Variants in TNIK observed in about 807,000 individuals in gnomAD.
The protein encoded by TNIK is TRAF2 and NCK-interacting protein kinase.
A neutral mutation model predicts 191.3 loss-of-function variants in TNIK; 49 were observed. The observed-to-expected ratio is 0.26, with a 90% confidence interval of 0.20 to 0.32. The LOEUF is 0.32. TNIK is among the 10% of genes least tolerant of loss of function. The probability of loss-of-function intolerance (pLI) is 1.00; values close to 1 mark genes in which losing one functional copy is unlikely to be tolerated. For synonymous variants in TNIK, 594 were observed against 600.9 expected (o/e 0.99, Z 0.17); for missense variants, 1,155 against 1,702.3 (o/e 0.68, Z 5.66).
intron 2 of TNIK, among the ~76,000 whole-genome samples, chr3:171,322,001 G>A (rs1023656462): frequency 7.9e-5 from 12 of 152,152 alleles, no homozygotes; most frequent in Non-Finnish European, 4.4e-5. Context: ...AGTCAGAAAT[G>A]TATTCTAAAA....
At position 171,211,097 on chromosome 3, in the gene TNIK, T is replaced by A. The variant is rs1029635003; in HGVS notation, c.306+19A>T. The stretch of plus-strand genomic sequence containing the variant: ...TTGTTTTTTATGTAAATAAAGCAAA[T>A]TTGGACGGCAGTACATACCCAAAGT... On this transcript the variant is annotated intron_variant, in intron 4 of 32. Transcript: ENST00000436636. 2 of 1,603,376 alleles carry A rather than the reference T, an allele frequency of 1.2e-6. No individual in the cohort carries two copies. The highest frequency in any genetic ancestry group is 8.5e-7 in the Non-Finnish European group (1 of 1,177,292).
chr3:171,208,560 GTA>G (rs755040186), intron 4 of TNIK, among the ~76,000 whole-genome samples: 68,191 of 151,164 alleles, frequency 0.45, 15,652 homozygotes, highest in Middle Eastern at 0.58. Flanking sequence ...ATTTTTGTGT[GTA>G]TGTGTGTGTG....
In TNIK at chr3:171,167,188, G is replaced by T; in HGVS notation, c.856C>A (p.His286Asn). ...QRPATEQLMK[H>N]PFIRDQPNER... ...TTAGGTTGGTCTCGTATAAATGGAT[G>T]CTTCATCAATTGTTCTGTTGCTGGT... Residue 286 changes from histidine to asparagine, a missense_variant, in exon 10 of 33, where the codon CAT becomes AAT. Coordinates refer to ENST00000436636, the MANE Select transcript of TNIK (RefSeq NM_015028.4). 3.1e-6 allele frequency: 5 copies of T among 1,613,924 alleles called. No homozygotes were observed. Among genetic ancestry groups the T allele is most frequent in the Non-Finnish European group, 4.2e-6 (5 of 1,179,886 alleles).
chr3:171,337,232 T>G (rs970983628), intron 2 of TNIK, among the ~76,000 whole-genome samples: 3 of 152,108 alleles, frequency 2.0e-5, no homozygotes, highest in African/African-American at 7.2e-5. Flanking sequence ...GAAGTTCCTA[T>G]GAAGAAAAAC....
chr3:171,107,229 C>T, intron 20 of TNIK, 23 bp from the exon 21 acceptor site: 3 of 1,608,050 alleles, frequency 1.9e-6, no homozygotes, highest in Non-Finnish European at 2.5e-6. Flanking sequence ...GAACCCAATC[C>T]AGAAGAATCC....
chr3:171,146,665 G>C (rs923704742), intron 12 of TNIK, among the ~76,000 whole-genome samples: 1 of 152,076 alleles, frequency 6.6e-6, no homozygotes, highest in African/African-American at 2.4e-5. Context: ...CAAGGCGAGC[G>C]GATCACCTGA....
chr3:171,105,092 A>C (rs2108475889), intron 21 of TNIK, among the ~76,000 whole-genome samples: 1 of 150,034 alleles, frequency 6.7e-6, no homozygotes, highest in South Asian at 2.1e-4. Flanking sequence ...TTTTATAAAA[A>C]GTTAAATCAT....
In TNIK at chr3:171,177,354, G is replaced by T; in HGVS notation, c.666C>A (p.Thr222=). ...FKSDLWSLGI[T]AIEMAEGAPP... ...GAGCACCTTCTGCCATTTCAATGGC[G>T]GTGATACCCAAAGACCACAAGTCAC... Residue 222 remains threonine (T), a synonymous_variant, in exon 8 of 33, where the codon ACC becomes ACA. Transcript: ENST00000436636. 1 of 1,607,322 alleles carries T rather than the reference G, an allele frequency of 6.2e-7. No homozygotes were observed. The highest frequency in any genetic ancestry group is 8.5e-7 in the Non-Finnish European group (1 of 1,176,946).
At chr3:171,161,799 A>G (rs1734027246) in intron 10 of TNIK, among the ~76,000 whole-genome samples, 1 of 152,094 alleles carries the variant, frequency 6.6e-6, no homozygotes, top group Non-Finnish European at 1.5e-5. Flanking sequence ...GGGTGCCTGT[A>G]GTCCCAGCTA....
intron 32 of TNIK, 79 bp downstream of exon 32, chr3:171,066,108 A>G: frequency 6.4e-7 from 1 of 1,553,160 alleles, no homozygotes. Flanking sequence ...AAATCAGTAT[A>G]AAGGAAAATG....
intron 7 of TNIK, among the ~76,000 whole-genome samples, chr3:171,180,229 C>T (rs1736474277): frequency 6.6e-6 from 1 of 152,176 alleles, no homozygotes; most frequent in South Asian, 2.1e-4. Flanking sequence ...CCTCTTCCTG[C>T]AGCACCTCAG....
intron 21 of TNIK, among the ~76,000 whole-genome samples, chr3:171,104,128 G>A (rs1046074059): frequency 1.3e-5 from 2 of 151,994 alleles, no homozygotes; most frequent in Admixed American, 6.6e-5. Flanking sequence ...GAATCCCTAT[G>A]AAAAGGTAAA....
chr3:171,173,701 C>T (rs1160328273), intron 9 of TNIK, among the ~76,000 whole-genome samples: 4 of 152,074 alleles, frequency 2.6e-5, no homozygotes, highest in East Asian at 3.9e-4. Flanking sequence ...GCCAGTTTGT[C>T]CTCCTCTGTG....
chr3:171,160,771 T>A (rs897998892), intron 11 of TNIK, among the ~76,000 whole-genome samples: 6 of 152,158 alleles, frequency 3.9e-5, no homozygotes, highest in African/African-American at 1.4e-4. Context: ...TTGGAGTTCA[T>A]CTCTACATAT....
At chr3:171,123,735 A>G (rs750541020) in intron 17 of TNIK, 33 bp from the exon 18 acceptor site, 5 of 1,523,680 alleles carry the variant, frequency 3.3e-6, no homozygotes, top group Middle Eastern at 1.8e-4. Context: ...AATATTTTCC[A>G]TAAAGTAGCT....
intron 18 of TNIK, among the ~76,000 whole-genome samples, chr3:171,117,715 A>G (rs922589267): frequency 6.6e-6 from 1 of 152,184 alleles, no homozygotes; most frequent in Admixed American, 6.5e-5. Context: ...TCACACCTGT[A>G]ATCCCAGCAC....
intron 2 of TNIK, among the ~76,000 whole-genome samples, chr3:171,362,239 AG>A: frequency 6.6e-6 from 1 of 152,226 alleles, no homozygotes; most frequent in East Asian, 1.9e-4. Context: ...TAAGCACTAA[AG>A]ACCAAATATA....
At chr3:171,381,060 A>T (rs918220015) in intron 1 of TNIK, among the ~76,000 whole-genome samples, 4 of 151,542 alleles carry the variant, frequency 2.6e-5, no homozygotes, top group Admixed American at 1.3e-4. Context: ...ATTTGCATCT[A>T]TTTTTTTTTC....
At chr3:171,450,203 C>T (rs1210261386) in intron 1 of TNIK, among the ~76,000 whole-genome samples, 1 of 152,186 alleles carries the variant, frequency 6.6e-6, no homozygotes, top group Non-Finnish European at 1.5e-5. Flanking sequence ...CCTCTTTGCA[C>T]ATAGAATCGT....
Sources: gnomAD v4.1 joint callset for allele counts (sites outside exome capture counted in the v4.1 genomes callset) on GRCh38, gnomAD v4.1.1 for gene constraint, MANE v1.5 for transcripts, NCBI Gene and HGNC (gene_info 2026-07-23, HGNC 2026-07-21) for gene names.